The following C3orf20 variants were observed in gnomAD, a reference collection of about 807,000 sequenced individuals.
C3orf20 encodes the protein family with sequence similarity 149 member C.
C3orf20 carries 76 observed loss-of-function variants against 88.3 expected under a neutral mutation model. The observed-to-expected ratio is 0.86, with a 90% CI of 0.72 to 1.04. C3orf20 has a LOEUF of 1.04. Ranked by LOEUF, C3orf20 falls within the 50% of genes least tolerant of loss-of-function variation. The pLI, the probability that C3orf20 is intolerant of heterozygous loss-of-function variation, is 0.00. For synonymous variants in C3orf20, 436 were observed against 437.4 expected (o/e 1.00, Z 0.04); for missense variants, 1,056 against 1,123.3 (o/e 0.94, Z 0.86).
At chr3:14,721,287 T>A (rs2034152372) in intron 9 of C3orf20, among the ~76,000 whole-genome samples, 1 of 152,214 alleles carries the variant, frequency 6.6e-6, no homozygotes, top group Admixed American at 6.5e-5. Flanking sequence ...AGTGGACACA[T>A]CTGTCTGATT....
In C3orf20 at chr3:14,704,469, C is replaced by T. The variant is rs374262425; in HGVS notation, c.1011C>T (p.Tyr337=). The change falls in exon 7 of 17, where the codon TAC becomes TAT. Residue 337 remains tyrosine, a synonymous_variant. Transcript: ENST00000253697. ...KGDSQTPGLH[Y]PPTAGAQTLS... Reference sequence around the variant, plus strand: ...ACTCTCAGACCCCGGGTTTACATTACCCTCCCACTGCAGGTGCTCAGACTC... The same window carrying T: ...ACTCTCAGACCCCGGGTTTACATTATCCTCCCACTGCAGGTGCTCAGACTC... 2 of 1,614,144 alleles carry T rather than the reference C, an allele frequency of 1.2e-6. No individual in the cohort carries two copies. The highest frequency in any genetic ancestry group is 1.7e-5 in the Admixed American group (1 of 60,014).
intron 9 of C3orf20, among the ~76,000 whole-genome samples, chr3:14,719,789 A>C (rs2034081407): frequency 6.6e-6 from 1 of 152,198 alleles, no homozygotes; most frequent in Admixed American, 6.5e-5. Flanking sequence ...TCCTATGAGA[A>C]AATTTCATGG....
intron 3 of C3orf20, 97 bp downstream of exon 3, chr3:14,683,294 T>C (rs1296276293): frequency 6.9e-7 from 1 of 1,445,428 alleles, no homozygotes; most frequent in Admixed American, 2.5e-5. Context: ...GTGGGTCTGC[T>C]GTAGGAATTG....
chr3:14,722,266 TA>T (rs1346623394), intron 10 of C3orf20: 6 of 335,586 alleles, frequency 1.8e-5, no homozygotes, highest in Non-Finnish European at 3.5e-5. Context: ...TTCTGTTTCC[TA>T]AACACTCCAG....
At chr3:14,715,534 C>A in intron 9 of C3orf20, 125 bp downstream of exon 9, 1 of 1,252,508 alleles carries the variant, frequency 8.0e-7, no homozygotes, top group Non-Finnish European at 1.1e-6. Flanking sequence ...GAAGCCTGCC[C>A]TGAAGGAGCT....
intron 14 of C3orf20, among the ~76,000 whole-genome samples, chr3:14,760,904 T>C (rs571703362): frequency 2.7e-4 from 41 of 152,182 alleles, no homozygotes; most frequent in African/African-American, 7.9e-4. Flanking sequence ...ATTTGTGCTG[T>C]TTTTGTTGAC....
intron 5 of C3orf20, among the ~76,000 whole-genome samples, chr3:14,694,155 T>C (rs1391919510): frequency 6.6e-6 from 1 of 152,192 alleles, no homozygotes; most frequent in Non-Finnish European, 1.5e-5. Context: ...GTAGTTTTCT[T>C]TTTTTGATGT....
chr3:14,704,201 G>T (rs777915150), intron 6 of C3orf20, 136 bp from the exon 7 acceptor site: 9 of 861,158 alleles, frequency 1.0e-5, no homozygotes, highest in Middle Eastern at 7.0e-4. Flanking sequence ...GGACGAGGGA[G>T]CATGGGTTGG....
chr3:14,757,813 G>A, intron 13 of C3orf20, 139 bp downstream of exon 13: 2 of 735,238 alleles, frequency 2.7e-6, no homozygotes, highest in South Asian at 3.7e-5. Flanking sequence ...TCTCCTTGGA[G>A]TCTTTGTGTG....
At position 14,682,589 on chromosome 3, in the gene C3orf20, T is replaced by C; in HGVS notation, c.-125T>C. 1.6e-6 allele frequency: 2 copies of C among 1,269,172 alleles called. No homozygotes were observed. The highest frequency in any genetic ancestry group is 2.2e-6 in the Non-Finnish European group (2 of 923,104). The allele number at this position is 1,269,172 out of a possible 1,614,324, so 78.6% of individuals were successfully genotyped here. On this transcript the variant is annotated 5_prime_UTR_variant, in exon 3 of 17. Coordinates refer to ENST00000253697, the MANE Select transcript of C3orf20 (RefSeq NM_032137.5). ...TCCTTTCCGGATAGGAACCACTGGC[T>C]CAATGACCTGTAAGGGCCGTTTCAG... is the stretch of plus-strand genomic sequence containing the variant.
At chr3:14,740,682 A>G (rs1360222389) in intron 12 of C3orf20, among the ~76,000 whole-genome samples, 1 of 152,166 alleles carries the variant, frequency 6.6e-6, no homozygotes, top group Admixed American at 6.5e-5. Flanking sequence ...TCTGTTCTGT[A>G]TATTTCATCT....
At chr3:14,747,190 A>G (rs2035081241) in intron 12 of C3orf20, among the ~76,000 whole-genome samples, 1 of 152,244 alleles carries the variant, frequency 6.6e-6, no homozygotes, top group Admixed American at 6.5e-5. Flanking sequence ...TACTGACTGA[A>G]ATTTTGATTA....
In C3orf20 at chr3:14,715,388, C is replaced by T. The variant is rs1368540632; in HGVS notation, c.1413C>T (p.Thr471=). 1.2e-6 allele frequency: 2 copies of T among 1,611,530 alleles called. No individual in the cohort carries two copies. The highest frequency in any genetic ancestry group is 2.7e-5 in the African/African-American group (2 of 74,876). Residue 471 remains threonine (T), a synonymous_variant, in exon 9 of 17, where the codon ACC becomes ACT. Coordinates refer to ENST00000253697, the MANE Select transcript of C3orf20 (RefSeq NM_032137.5). ...HKWSWTSRTE[T]LLSLEYKVNE... The stretch of plus-strand genomic sequence containing the variant: ...GGAGCTGGACTTCCAGGACAGAGAC[C>T]CTGCTTTCCCTGGAATACAAGGTAG...
At chr3:14,770,710 G>A (rs1403866038) in intron 15 of C3orf20, among the ~76,000 whole-genome samples, 1 of 152,154 alleles carries the variant, frequency 6.6e-6, no homozygotes, top group East Asian at 1.9e-4. Context: ...CATAGTAGAG[G>A]CTCAGTAAAT....
intron 11 of C3orf20, among the ~76,000 whole-genome samples, chr3:14,727,249 C>T (rs2034383921): frequency 6.6e-6 from 1 of 152,290 alleles, no homozygotes; most frequent in Admixed American, 6.5e-5. Context: ...AGCCCACTTG[C>T]ATTTCTGAGC....
At chr3:14,711,089 G>A (rs1312962509) in intron 7 of C3orf20, among the ~76,000 whole-genome samples, 2 of 152,092 alleles carry the variant, frequency 1.3e-5, no homozygotes, top group Non-Finnish European at 2.9e-5. Flanking sequence ...TGGAGATGGG[G>A]TTTCACCATG....
In C3orf20 at chr3:14,772,193, G is replaced by A. The variant is rs899939616; in HGVS notation, c.2622G>A (p.Glu874=). The change falls in exon 16 of 17, where the codon GAG becomes GAA. Residue 874 remains glutamate, a synonymous_variant. Transcript: ENST00000253697. This position sits in a 1 kb window ranked among gnomAD's most constrained non-coding sequence, Gnocchi z 4.2. The stretch of plus-strand genomic sequence containing the variant: ...ATGTGGAGAAGGAGTTATCTCTGGA[G>A]GCTGAGAAGTAGGTGACCACATCAG... The part of the protein sequence containing the change: ...EDYVEKELSL[E]AEKTREPEVE... 3.7e-6 allele frequency: 6 copies of A among 1,614,134 alleles called. No homozygotes were observed. In the Admixed American group the frequency reaches 6.7e-5, roughly 18 times the overall value.
chr3:14,690,007 A>G lies in C3orf20; in HGVS notation c.636A>G (p.Ala212=). 6.2e-7 allele frequency: 1 copy of G among 1,613,974 alleles called. No homozygotes were observed. Among genetic ancestry groups the G allele is most frequent in the Non-Finnish European group, 8.5e-7 (1 of 1,179,786 alleles). ...SSGQLWKESL[A]NMSAIGVNSP... is the part of the protein sequence containing the mutation. ...TCTCTCCCACTCCAGAGTCCCTCGC[A>G]AACATGTCCGCCATTGGGGTGAACT... is the stretch of plus-strand genomic sequence containing the variant. The change falls in exon 5 of 17, where the codon GCA becomes GCG. Residue 212 remains alanine (A), a synonymous_variant. Coordinates refer to ENST00000253697, the MANE Select transcript of C3orf20 (RefSeq NM_032137.5).
At chr3:14,688,795 G>GTA (rs887726873) in intron 4 of C3orf20, among the ~76,000 whole-genome samples, 11 of 151,368 alleles carry the variant, frequency 7.3e-5, no homozygotes, top group Admixed American at 3.3e-4. Flanking sequence ...GCTCGTGTAT[G>GTA]TATATATATA....
Sources: allele counts gnomAD v4.1 joint callset (sites outside exome capture counted in the v4.1 genomes callset), GRCh38; gene constraint gnomAD v4.1.1; non-coding constraint Gnocchi (gnomAD v3.1); transcripts MANE v1.5; gene names NCBI Gene and HGNC (gene_info 2026-07-23, HGNC 2026-07-21).